The following THSD7B variants were observed in gnomAD, a reference collection of about 807,000 sequenced individuals.
THSD7B encodes thrombospondin type 1 domain containing 7B, also known as thrombospondin type-1 domain-containing protein 7B.
THSD7B carries 138 observed loss-of-function variants against 213.6 expected under a neutral mutation model. The observed-to-expected ratio is 0.65, with a 90% CI of 0.56 to 0.74. THSD7B has a LOEUF of 0.74. Ranked by LOEUF, THSD7B falls within the 30% of genes least tolerant of loss-of-function variation. The probability of loss-of-function intolerance (pLI) is 0.00; values close to 1 mark genes in which losing one functional copy is unlikely to be tolerated. For missense variants in THSD7B, 1,931 were observed against 1,991.5 expected (o/e 0.97, Z 0.58); for synonymous variants, 742 against 687.0 (o/e 1.08, Z -1.25).
intron 3 of THSD7B, among the ~76,000 whole-genome samples, chr2:137,070,111 C>A (rs1029858898): frequency 2.6e-5 from 4 of 151,836 alleles, no homozygotes; most frequent in Admixed American, 1.3e-4. Flanking sequence ...TCCTCTACTG[C>A]TTGCAGATAA....
chr2:136,863,130 C>T (rs1340612692), intron 1 of THSD7B, among the ~76,000 whole-genome samples: 4 of 152,304 alleles, frequency 2.6e-5, no homozygotes, highest in East Asian at 3.9e-4. Context: ...CTAGAATACC[C>T]GTGGTCTGTC....
intron 12 of THSD7B, among the ~76,000 whole-genome samples, chr2:137,384,070 AG>A (rs1334491845): frequency 6.6e-6 from 1 of 152,186 alleles, no homozygotes; most frequent in Non-Finnish European, 1.5e-5. Context: ...AGAGCATCCA[AG>A]TCCTTTGGCA....
At chr2:136,823,560 A>G (rs1382749549) in intron 1 of THSD7B, among the ~76,000 whole-genome samples, 1 of 151,690 alleles carries the variant, frequency 6.6e-6, no homozygotes, top group Non-Finnish European at 1.5e-5. Flanking sequence ...TTAAACTTCT[A>G]TCTCCATACA....
intron 7 of THSD7B, among the ~76,000 whole-genome samples, chr2:137,187,716 T>C (rs1343564029): frequency 6.6e-6 from 1 of 152,166 alleles, no homozygotes; most frequent in Non-Finnish European, 1.5e-5. Context: ...TATGTTGTTA[T>C]TTATTTTGCA....
intron 3 of THSD7B, among the ~76,000 whole-genome samples, chr2:137,076,025 C>G (rs542222137): frequency 6.6e-6 from 1 of 152,166 alleles, no homozygotes; most frequent in Non-Finnish European, 1.5e-5. Context: ...TTAGGCTACT[C>G]GGGGGTCAGG....
intron 2 of THSD7B, among the ~76,000 whole-genome samples, chr2:136,942,527 G>A (rs943184197): frequency 4.6e-5 from 7 of 152,138 alleles, no homozygotes; most frequent in Non-Finnish European, 1.0e-4. Flanking sequence ...CTATTTCACT[G>A]AGCAGTGGTT....
At chr2:137,380,925 TATGGCTTGTGCCC>T (rs1371070796) in intron 12 of THSD7B, among the ~76,000 whole-genome samples, 19 of 152,350 alleles carry the variant, frequency 1.2e-4, no homozygotes, top group South Asian at 2.1e-4. Context: ...ACACTGTACA[TATGGCTTGTGCCC>T]ATGGCTTGTG....
In THSD7B at chr2:137,618,533, C is replaced by T. The variant is rs570289651; in HGVS notation, c.3681+26C>T. On this transcript the variant is annotated intron_variant, in intron 19 of 27. Transcript: ENST00000409968. ...GTACTGTGTTTATATTCATATCTCA[C>T]ATCCAAGGCTTTGTTTTTCTTAATA... 15 of 1,598,226 alleles carry T rather than the reference C, an allele frequency of 9.4e-6. No individual in the cohort carries two copies. The Admixed American group carries it at 1.7e-4, about 18-fold the overall frequency.
intron 6 of THSD7B, among the ~76,000 whole-genome samples, chr2:137,164,050 A>G (rs1255155195): frequency 6.6e-6 from 1 of 152,164 alleles, no homozygotes; most frequent in Non-Finnish European, 1.5e-5. Flanking sequence ...GTGAGCCATT[A>G]TGCCTAAGAG....
chr2:136,961,020 T>C (rs1452757025), intron 2 of THSD7B, among the ~76,000 whole-genome samples: 3 of 122,274 alleles, frequency 2.5e-5, no homozygotes, highest in Admixed American at 1.1e-4. Context: ...ACCCGGGAGA[T>C]GGAGCTTGCA....
chr2:137,336,034 A>G (rs1684631538), intron 12 of THSD7B, among the ~76,000 whole-genome samples: 1 of 152,200 alleles, frequency 6.6e-6, no homozygotes, highest in Admixed American at 6.5e-5. Flanking sequence ...CAAAGAAAGC[A>G]GCTTCTTACT....
At chr2:137,394,250 G>A in intron 12 of THSD7B, among the ~76,000 whole-genome samples, 1 of 102,882 alleles carries the variant, frequency 9.7e-6, no homozygotes, top group Non-Finnish European at 2.1e-5. Context: ...CCTATGTCCT[G>A]AATGGTATTG....
chr2:137,029,242 C>T (rs1686614127), intron 2 of THSD7B, among the ~76,000 whole-genome samples: 1 of 151,928 alleles, frequency 6.6e-6, no homozygotes, highest in East Asian at 1.9e-4. Flanking sequence ...ACATGCCAGG[C>T]CAATTTTTGT....
chr2:137,219,326 T>A (rs1681316510), intron 7 of THSD7B, among the ~76,000 whole-genome samples: 1 of 152,150 alleles, frequency 6.6e-6, no homozygotes, highest in Admixed American at 6.6e-5. Flanking sequence ...GTTCTGTTTC[T>A]GTAGATTTGT....
chr2:137,092,029 GC>G (rs1332709412), intron 3 of THSD7B, among the ~76,000 whole-genome samples: 1 of 152,066 alleles, frequency 6.6e-6, no homozygotes, highest in Non-Finnish European at 1.5e-5. Context: ...TTGATCCCAG[GC>G]CCCAAAATTG....
At chr2:136,892,685 T>C (rs1683884004) in intron 2 of THSD7B, among the ~76,000 whole-genome samples, 1 of 151,994 alleles carries the variant, frequency 6.6e-6, no homozygotes, top group African/African-American at 2.4e-5. Flanking sequence ...CCTGCAGAGA[T>C]TAAGGAAGGG....
At chr2:136,868,221 A>T (rs1051196423) in intron 1 of THSD7B, among the ~76,000 whole-genome samples, 1 of 152,190 alleles carries the variant, frequency 6.6e-6, no homozygotes, top group African/African-American at 2.4e-5. Context: ...CTTGGAATTT[A>T]TACAGGGAAA....
chr2:137,284,053 A>G (rs1683106494), intron 12 of THSD7B, among the ~76,000 whole-genome samples: 3 of 152,084 alleles, frequency 2.0e-5, no homozygotes. Flanking sequence ...TTGGTAAGCT[A>G]TTAATTATTG....
chr2:137,252,006 C>T (rs995865302), intron 10 of THSD7B, among the ~76,000 whole-genome samples: 5 of 152,044 alleles, frequency 3.3e-5, no homozygotes, highest in African/African-American at 9.7e-5. Context: ...CAGTGGCTCA[C>T]GCCTGTAATA....
Sources: allele counts gnomAD v4.1 joint callset (sites outside exome capture counted in the v4.1 genomes callset), GRCh38; gene constraint gnomAD v4.1.1; transcripts MANE v1.5; gene names NCBI Gene and HGNC (gene_info 2026-07-23, HGNC 2026-07-21).